XYLT1: variants seen among roughly 807,000 people sequenced by gnomAD.
The protein encoded by XYLT1 is beta-D-xylosyltransferase 1.
A neutral mutation model predicts 91.3 loss-of-function variants in XYLT1; 36 were observed. The ratio of observed to expected loss-of-function variants is 0.39; its 90% CI spans 0.30 to 0.52. XYLT1 has a LOEUF of 0.52. XYLT1 is among the 20% of genes least tolerant of loss of function. XYLT1 has a pLI of 0.68. For missense variants in XYLT1, 1,242 were observed against 1,284.5 expected, an observed-to-expected ratio of 0.97 and a Z score of 0.51; for synonymous variants, 588 against 532.0, an observed-to-expected ratio of 1.11 and a Z score of -1.45.
At chr16:17,223,995 C>T (rs188956521) in intron 3 of XYLT1, among the ~76,000 whole-genome samples, 159 of 152,346 alleles carry the variant, frequency 1.0e-3, no homozygotes, top group African/African-American at 3.5e-3. Flanking sequence ...TGATTCTATA[C>T]CTGGTTACTG....
chr16:17,284,055 C>A (rs2034097882), intron 2 of XYLT1, among the ~76,000 whole-genome samples: 1 of 152,234 alleles, frequency 6.6e-6, no homozygotes, highest in South Asian at 2.1e-4. Context: ...TAAACCTCAG[C>A]ATTATCCCTT....
At chr16:17,322,731 T>C (rs1299701783) in intron 2 of XYLT1, among the ~76,000 whole-genome samples, 1 of 152,222 alleles carries the variant, frequency 6.6e-6, no homozygotes, top group African/African-American at 2.4e-5. Context: ...AGATGAGTTA[T>C]CTCCGTTAAA....
Position 17,107,747 on chromosome 16 carries a change from A to G in XYLT1, c.*948T>C, listed in dbSNP as rs1345369088. On this transcript the variant is annotated 3_prime_UTR_variant, in exon 12 of 12. Coordinates refer to ENST00000261381, the MANE Select transcript of XYLT1 (RefSeq NM_022166.4). ...CTCCAAGCATTGCTTTGTGAGTTTC[A>G]TCGCGTTGCCTTGTGAGTTTCATGG... 3 of 152,548 alleles carry G rather than the reference A, an allele frequency of 2.0e-5. No individual in the cohort carries two copies. The allele number at this position is 152,548 out of a possible 1,614,324, so 9.4% of individuals were successfully genotyped here.
At chr16:17,239,314 T>TCGTC (rs2033300758) in intron 3 of XYLT1, among the ~76,000 whole-genome samples, 1 of 129,070 alleles carries the variant, frequency 7.7e-6, no homozygotes, top group Non-Finnish European at 1.6e-5. Flanking sequence ...TCCAGTCCAT[T>TCGTC]CATCCATCCA....
chr16:17,462,333 G>C (rs552831223), intron 1 of XYLT1, among the ~76,000 whole-genome samples: 1 of 152,232 alleles, frequency 6.6e-6, no homozygotes, highest in South Asian at 2.1e-4. Context: ...TCCTCATCTG[G>C]CAGGGTGTCT....
chr16:17,140,592 T>C (rs1321630476), intron 7 of XYLT1, among the ~76,000 whole-genome samples: 1 of 138,622 alleles, frequency 7.2e-6, no homozygotes, highest in Non-Finnish European at 1.5e-5. Context: ...ACTCTGGAGG[T>C]AGAGGTTGCA....
chr16:17,330,088 C>T (rs1296286786), intron 2 of XYLT1, among the ~76,000 whole-genome samples: 9 of 122,878 alleles, frequency 7.3e-5, no homozygotes. Flanking sequence ...CTATATGCAC[C>T]ACATATGGAG....
At chr16:17,352,953 T>C (rs999743248) in intron 2 of XYLT1, among the ~76,000 whole-genome samples, 12 of 152,218 alleles carry the variant, frequency 7.9e-5, no homozygotes, top group African/African-American at 2.9e-4. Flanking sequence ...TTTACATAGA[T>C]ACAATTTCTC....
chr16:17,271,383 GA>G (rs1391139790), intron 2 of XYLT1, among the ~76,000 whole-genome samples: 1 of 151,990 alleles, frequency 6.6e-6, no homozygotes, highest in African/African-American at 2.4e-5. Context: ...GACAAAGAGA[GA>G]GACACAGAGA....
chr16:17,441,765 A>C (rs1257553432), intron 1 of XYLT1, among the ~76,000 whole-genome samples: 1 of 152,208 alleles, frequency 6.6e-6, no homozygotes, highest in Non-Finnish European at 1.5e-5. Flanking sequence ...ATAATGGCTG[A>C]GGATAAAGAT....
intron 1 of XYLT1, among the ~76,000 whole-genome samples, chr16:17,374,750 A>G (rs2035576198): frequency 6.6e-6 from 1 of 152,124 alleles, no homozygotes; most frequent in Non-Finnish European, 1.5e-5. Context: ...GAAAACATCA[A>G]TTTGCAAGAG....
chr16:17,371,223 C>G (rs2035527973), intron 1 of XYLT1, among the ~76,000 whole-genome samples: 1 of 152,250 alleles, frequency 6.6e-6, no homozygotes, highest in South Asian at 2.1e-4. Context: ...GCCCCTGCTA[C>G]ATACTTTTGA....
At chr16:17,464,104 TA>T (rs1451524818) in intron 1 of XYLT1, among the ~76,000 whole-genome samples, 1 of 151,592 alleles carries the variant, frequency 6.6e-6, no homozygotes, top group Non-Finnish European at 1.5e-5. Flanking sequence ...ATTGGAAGGA[TA>T]AAAATCCAGT....
chr16:17,186,165 G>A (rs7189815), intron 5 of XYLT1, among the ~76,000 whole-genome samples: 89,929 of 151,954 alleles, frequency 0.59, 28,740 homozygotes, highest in African/African-American at 0.83. Context: ...GTGCAGTGGC[G>A]CGATCTCGGC....
chr16:17,440,163 G>A (rs2036513964), intron 1 of XYLT1, among the ~76,000 whole-genome samples: 1 of 152,146 alleles, frequency 6.6e-6, no homozygotes, highest in Admixed American at 6.6e-5. Context: ...GCAAAACTGA[G>A]GCCAGCTAAC....
intron 2 of XYLT1, among the ~76,000 whole-genome samples, chr16:17,325,607 A>C (rs905604509): frequency 6.6e-6 from 1 of 152,232 alleles, no homozygotes; most frequent in Non-Finnish European, 1.5e-5. Context: ...CTGGAAAAAA[A>C]CATACAAAAA....
intron 5 of XYLT1, among the ~76,000 whole-genome samples, chr16:17,160,334 C>T (rs1246331186): frequency 6.6e-6 from 1 of 152,170 alleles, no homozygotes; most frequent in South Asian, 2.1e-4. Flanking sequence ...CTCTGCCTCC[C>T]AACTCTTTGG....
intron 3 of XYLT1, among the ~76,000 whole-genome samples, chr16:17,203,352 CTCCACCCA>C (rs1300944790): frequency 6.6e-6 from 1 of 152,068 alleles, no homozygotes; most frequent in African/African-American, 2.4e-5. Context: ...CCATCTATTC[CTCCACCCA>C]TCCACCCATT....
intron 10 of XYLT1, among the ~76,000 whole-genome samples, chr16:17,123,349 A>T (rs1340884431): frequency 6.6e-6 from 1 of 152,072 alleles, no homozygotes; most frequent in Non-Finnish European, 1.5e-5. Flanking sequence ...TAGATTGTCT[A>T]TTTGGGCTCT....
Sources: allele counts gnomAD v4.1 joint callset (sites outside exome capture counted in the v4.1 genomes callset), GRCh38; gene constraint gnomAD v4.1.1; transcripts MANE v1.5; gene names NCBI Gene and HGNC (gene_info 2026-07-23, HGNC 2026-07-21).